The following LRRC59 variants were observed in gnomAD, a reference collection of about 807,000 sequenced individuals.
LRRC59 encodes leucine-rich repeat-containing protein 59.
LRRC59 carries 18 observed loss-of-function variants against 33.5 expected under a neutral mutation model. The ratio of observed to expected loss-of-function variants is 0.54; its 90% CI spans 0.37 to 0.80. LRRC59 has a LOEUF of 0.80. LRRC59 is among the 30% of genes least tolerant of loss of function. LRRC59 has a pLI of 0.00. For missense variants in LRRC59, 330 were observed against 391.9 expected (o/e 0.84, Z 1.33); for synonymous variants, 138 against 160.0 (o/e 0.86, Z 1.04).
At position 50,397,355 on chromosome 17, in the gene LRRC59, C is replaced by T. The variant is rs1451106844; in HGVS notation, c.-38G>A. 3 of 1,545,078 alleles carry T rather than the reference C, an allele frequency of 1.9e-6. No homozygotes were observed. The highest frequency in any genetic ancestry group is 1.1e-5 in the South Asian group (1 of 87,064). ...TGAGCGGGCCCCGGCTCCGGGGTTCCGGCGGGTGAAAGGAGCTGAAATGTC... is the reference window on the plus strand; with the variant it reads ...TGAGCGGGCCCCGGCTCCGGGGTTCTGGCGGGTGAAAGGAGCTGAAATGTC... On this transcript the variant is annotated 5_prime_UTR_variant, in exon 1 of 7. Transcript: ENST00000225972.
intron 4 of LRRC59, among the ~76,000 whole-genome samples, chr17:50,391,924 C>G (rs1347088503): frequency 6.6e-6 from 1 of 152,208 alleles, no homozygotes; most frequent in East Asian, 1.9e-4. Flanking sequence ...GCAGGCCAGG[C>G]ATGGTGGCTC....
intron 2 of LRRC59, 24 bp downstream of exon 2, chr17:50,394,905 G>C (rs745917920): frequency 1.9e-6 from 3 of 1,565,268 alleles, no homozygotes; most frequent in African/African-American, 1.4e-5. Context: ...ACCAGAAGGA[G>C]TCACGGCTGC....
At chr17:50,388,260 T>C (rs1914058425) in intron 4 of LRRC59, 128 bp from the exon 5 acceptor site, 2 of 841,234 alleles carry the variant, frequency 2.4e-6, no homozygotes, top group South Asian at 1.5e-5. Context: ...AGAGTTAGGC[T>C]GAATGTGGTG....
intron 5 of LRRC59, 96 bp downstream of exon 5, chr17:50,387,963 TC>T (rs1229871506): frequency 9.0e-6 from 11 of 1,226,422 alleles, no homozygotes; most frequent in Non-Finnish European, 1.3e-5. Context: ...TAACTGTTCT[TC>T]ATGACTACTC....
intron 4 of LRRC59, among the ~76,000 whole-genome samples, chr17:50,391,773 A>C (rs1296584570): frequency 6.6e-6 from 1 of 152,200 alleles, no homozygotes; most frequent in African/African-American, 2.4e-5. Context: ...TGCCTCAGAA[A>C]GGCCACAGCC....
chr17:50,387,832 G>A (rs575362549), intron 5 of LRRC59, among the ~76,000 whole-genome samples: 7 of 152,264 alleles, frequency 4.6e-5, no homozygotes, highest in Admixed American at 2.0e-4. Flanking sequence ...AACCCTCCAA[G>A]CAGAGATGAA....
rs752775746 is a variant in LRRC59, at chr17:50,381,929, A to G, written c.*1059T>C. 5 of 152,642 alleles carry G rather than the reference A, an allele frequency of 3.3e-5. No homozygotes were observed. Among genetic ancestry groups the G allele is most frequent in the Non-Finnish European group, 7.4e-5 (5 of 68,026 alleles). 9.5% of individuals were successfully genotyped at this position (152,642 alleles called of 1,614,324 possible). A position where few individuals can be genotyped will look rare whatever the true frequency, so the allele number is the denominator to read the frequency against. On this transcript the variant is annotated 3_prime_UTR_variant, in exon 7 of 7. Coordinates refer to ENST00000225972, the MANE Select transcript of LRRC59 (RefSeq NM_018509.4). ...TTCAGTTATGGTCTAGAATCAAACA[A>G]TTCTAAACCTCAGTGTCTTATGAAG...
chr17:50,389,172 C>T (rs1914082286), intron 4 of LRRC59, among the ~76,000 whole-genome samples: 1 of 152,140 alleles, frequency 6.6e-6, no homozygotes, highest in African/African-American at 2.4e-5. Context: ...AGGAGAGCTC[C>T]GAGAGAAGCC....
intron 1 of LRRC59, among the ~76,000 whole-genome samples, chr17:50,395,636 C>T (rs765673934): frequency 6.6e-6 from 1 of 152,098 alleles, no homozygotes; most frequent in Non-Finnish European, 1.5e-5. Context: ...AAGGCCCTGC[C>T]GGGTGCGGTG....
At position 50,395,630 on chromosome 17, in the gene LRRC59, C is replaced by T. The variant is rs190669752; in HGVS notation, c.106-642G>A. On this transcript the variant is annotated intron_variant, in intron 1 of 6. Transcript: ENST00000225972. ...TGAATGACAGAGTGAAAAAACAAGG[C>T]CCTGCCGGGTGCGGTGGCTCACGCC... Among the ~76,000 whole-genome samples, 543 of 152,168 alleles carry T rather than the reference C, an allele frequency of 3.6e-3. 1 individual carries two copies. Among genetic ancestry groups the T allele is most frequent in the Admixed American group, 6.2e-3 (95 of 15,280 alleles).
At chr17:50,395,249 G>T (rs1567822942) in intron 1 of LRRC59, among the ~76,000 whole-genome samples, 1 of 151,544 alleles carries the variant, frequency 6.6e-6, no homozygotes, top group African/African-American at 2.4e-5. Context: ...ACTCACACCT[G>T]TAGTCTCATA....
Position 50,385,230 on chromosome 17 carries a change from C to T in LRRC59, c.564G>A (p.Arg188=), listed in dbSNP as rs756235674. The T allele has an allele frequency of 3.7e-6, 6 of 1,614,184 alleles. No homozygotes were observed. Among genetic ancestry groups the T allele is most frequent in the East Asian group, 2.2e-5 (1 of 44,888 alleles). Residue 188 remains arginine (R), a synonymous_variant, in exon 6 of 7, where the codon CGG becomes CGA. Transcript: ENST00000225972. Reference sequence around the variant, plus strand: ...CCTTCTCTTCCGCCTTCTCCCGCTTCCGCAGTTCCCGCTCCTGAGCTTCCT... The same window carrying T: ...CCTTCTCTTCCGCCTTCTCCCGCTTTCGCAGTTCCCGCTCCTGAGCTTCCT... ...RAKEAQEREL[R]KREKAEEKER...
At chr17:50,395,117 A>G (rs961184057) in intron 1 of LRRC59, 129 bp from the exon 2 acceptor site, 1 of 630,560 alleles carries the variant, frequency 1.6e-6, no homozygotes. Flanking sequence ...GGCAGTAAAG[A>G]GTAATGTTCC....
rs1327697535 is a variant in LRRC59 at position 50,390,469 on chromosome 17, G to A, written c.429+1929C>T. On this transcript the variant is annotated intron_variant, in intron 4 of 6. Coordinates refer to ENST00000225972, the MANE Select transcript of LRRC59 (RefSeq NM_018509.4). Reference sequence around the variant, plus strand: ...AGTGCGCCACTGCCCTCCAGCTTGGGTGACAGAGCAAGACCCCATGTCAAA... The same window carrying A: ...AGTGCGCCACTGCCCTCCAGCTTGGATGACAGAGCAAGACCCCATGTCAAA... Among the ~76,000 whole-genome samples, 3 of 151,678 alleles carry A rather than the reference G, an allele frequency of 2.0e-5. No individual in the cohort carries two copies. In the South Asian group the frequency reaches 6.2e-4, roughly 32 times the overall value.
At chr17:50,392,221 A>T (rs529741489) in intron 4 of LRRC59, among the ~76,000 whole-genome samples, 177 bp downstream of exon 4, 7 of 152,268 alleles carry the variant, frequency 4.6e-5, no homozygotes, top group African/African-American at 1.7e-4. Context: ...AAACAAAAAG[A>T]TAAAGTAAAT....
At position 50,381,494 on chromosome 17, in the gene LRRC59, G is replaced by A. The variant is rs551196623; in HGVS notation, c.*1494C>T. 1 of 156,068 alleles carries A rather than the reference G, an allele frequency of 6.4e-6. No individual in the cohort carries two copies. The highest frequency in any genetic ancestry group is 2.4e-5 in the African/African-American group (1 of 41,596). The allele number at this position is 156,068 out of a possible 1,614,324, so 9.7% of individuals were successfully genotyped here. On this transcript the variant is annotated 3_prime_UTR_variant, in exon 7 of 7. Coordinates refer to ENST00000225972, the MANE Select transcript of LRRC59 (RefSeq NM_018509.4). ...TGGAGGAAGACTAAAGGAATGTGTA[G>A]TGATTCTGAGTAAGATGTAGACCTA... is the stretch of plus-strand genomic sequence containing the variant.
intron 6 of LRRC59, among the ~76,000 whole-genome samples, 192 bp from the exon 7 acceptor site, chr17:50,383,427 T>C (rs1913921008): frequency 6.6e-6 from 1 of 151,956 alleles, no homozygotes; most frequent in South Asian, 2.1e-4. Flanking sequence ...CTGAAGGGGG[T>C]AGATTTGCAA....
chr17:50,382,693 A>G lies in LRRC59; in HGVS notation c.*295T>C, dbSNP rs533213855. The G allele has an allele frequency of 6.0e-4, 253 of 421,948 alleles. 1 individual carries two copies. Among genetic ancestry groups the G allele is most frequent in the Non-Finnish European group, 9.8e-4 (227 of 231,644 alleles). 26.1% of individuals were successfully genotyped at this position (421,948 alleles called of 1,614,324 possible). On this transcript the variant is annotated 3_prime_UTR_variant, in exon 7 of 7. Coordinates refer to ENST00000225972, the MANE Select transcript of LRRC59 (RefSeq NM_018509.4). ...GAGCCTTGCCTTTACACAGCTTTAT[A>G]TAACAACTAGAAAAGGCTATGTTTT...
At chr17:50,386,131 ACTAT>A (rs1289837065) in intron 5 of LRRC59, 17 of 96,578 alleles carry the variant, frequency 1.8e-4, no homozygotes, top group African/African-American at 5.1e-4. Flanking sequence ...TACTGCACTG[ACTAT>A]TTTTTTTTTT....
Sources: gnomAD v4.1 joint callset for allele counts (sites outside exome capture counted in the v4.1 genomes callset) on GRCh38, gnomAD v4.1.1 for gene constraint, MANE v1.5 for transcripts, NCBI Gene and HGNC (gene_info 2026-07-23, HGNC 2026-07-21) for gene names.